ARHGAP12: variants seen among roughly 807,000 people sequenced by gnomAD.
ARHGAP12 encodes rho GTPase-activating protein 12.
ARHGAP12 carries 64 observed loss-of-function variants against 108.6 expected under a neutral mutation model. The observed-to-expected ratio is 0.59, with a 90% confidence interval of 0.48 to 0.73. ARHGAP12 has a LOEUF of 0.73. Among genes scored for constraint, ARHGAP12 ranks in the 30% least tolerant of loss-of-function variants. The pLI is 0.00. For missense variants in ARHGAP12, 940 were observed against 1,005.9 expected (o/e 0.93, Z 0.89); for synonymous variants, 312 against 337.2 (o/e 0.93, Z 0.82).
At chr10:31,816,003 T>C (rs1213241471) in intron 13 of ARHGAP12, among the ~76,000 whole-genome samples, 2 of 151,904 alleles carry the variant, frequency 1.3e-5, no homozygotes, top group Non-Finnish European at 2.9e-5. Flanking sequence ...TACAAAAACT[T>C]AGGCAGGTGT....
In ARHGAP12 at chr10:31,885,527, A is replaced by G. The variant is rs1592335472; in HGVS notation, c.684+22645T>C. Among the ~76,000 whole-genome samples, 3 of 152,296 alleles carry G rather than the reference A, an allele frequency of 2.0e-5. No homozygotes were observed. In the South Asian group the frequency reaches 6.2e-4, roughly 32 times the overall value. On this transcript the variant is annotated intron_variant, in intron 3 of 19. Coordinates refer to ENST00000344936, the MANE Select transcript of ARHGAP12 (RefSeq NM_018287.7). ...AATTCCACTGTTATGCTATATAAAAACAGACAAATGGCCAGGCATGGTGGC... is the reference window on the plus strand; with the variant it reads ...AATTCCACTGTTATGCTATATAAAAGCAGACAAATGGCCAGGCATGGTGGC...
chr10:31,847,713 TGC>T (rs1350983556), intron 6 of ARHGAP12, among the ~76,000 whole-genome samples: 1 of 152,138 alleles, frequency 6.6e-6, no homozygotes, highest in African/African-American at 2.4e-5. Context: ...GTTCCTTGCA[TGC>T]ACTGTGGGTC....
chr10:31,894,425 A>G (rs1195551940), intron 3 of ARHGAP12, among the ~76,000 whole-genome samples: 1 of 152,150 alleles, frequency 6.6e-6, no homozygotes, highest in Non-Finnish European at 1.5e-5. Flanking sequence ...TCAATGTGCA[A>G]AAATCACAAG....
chr10:31,923,894 T>C (rs1564439693), intron 1 of ARHGAP12, among the ~76,000 whole-genome samples: 1 of 152,164 alleles, frequency 6.6e-6, no homozygotes, highest in South Asian at 2.1e-4. Flanking sequence ...ATGTCAAAAC[T>C]CTTCAAATTG....
chr10:31,908,050 C>T, intron 3 of ARHGAP12, 122 bp downstream of exon 3: 1 of 906,130 alleles, frequency 1.1e-6, no homozygotes, highest in Non-Finnish European at 1.6e-6. Flanking sequence ...AGGATAGAAC[C>T]CATGTACTCT....
chr10:31,812,771 GT>G lies in ARHGAP12; in HGVS notation c.1886del (p.Asn629ThrfsTer2). 1 of 1,608,392 alleles carries G rather than the reference GT, an allele frequency of 6.2e-7. No individual in the cohort carries two copies. On this transcript the variant is annotated frameshift_variant, in exon 15 of 20. Transcript: ENST00000344936. LOFTEE classifies it high-confidence loss of function. Reference sequence around the variant, plus strand: ...GGCGTCGTGTAAGAAACTTCTTTAAGTTTTTCTTGGTTTTTTTCTGTTCTGA... The same window carrying G: ...GGCGTCGTGTAAGAAACTTCTTTAAGTTTTCTTGGTTTTTTTCTGTTCTGA... The part of the protein sequence containing the change: ...DSSEQKKTKK[N>X]LKKFLTRRPT...
chr10:31,885,704 AGCTAC>A (rs1838163267), intron 3 of ARHGAP12, among the ~76,000 whole-genome samples: 1 of 152,026 alleles, frequency 6.6e-6, no homozygotes, highest in African/African-American at 2.4e-5. Context: ...CTATAAGCCC[AGCTAC>A]TCAGGAGGCT....
At chr10:31,858,975 G>A (rs1837005138) in intron 4 of ARHGAP12, among the ~76,000 whole-genome samples, 1 of 146,734 alleles carries the variant, frequency 6.8e-6, no homozygotes, top group Admixed American at 6.8e-5. Flanking sequence ...GACGGTATCA[G>A]GTATCTGTGA....
rs527710491 is a variant in ARHGAP12 at position 31,899,968 on chromosome 10, C to T, written c.684+8204G>A. On this transcript the variant is annotated intron_variant, in intron 3 of 19. Transcript: ENST00000344936. ...AGACTGGAAGTATTTGTAAAACATA[C>T]ATCTGATTAAAGAATTTACATTCAA... Among the ~76,000 whole-genome samples, 6 of 152,246 alleles carry T rather than the reference C, an allele frequency of 3.9e-5. No homozygotes were observed. In the South Asian group the frequency reaches 1.2e-3, roughly 32 times the overall value.
intron 3 of ARHGAP12, among the ~76,000 whole-genome samples, chr10:31,890,708 C>T (rs1838391594): frequency 6.6e-6 from 1 of 152,148 alleles, no homozygotes; most frequent in African/African-American, 2.4e-5. Flanking sequence ...TATTCAAAGC[C>T]AGTTTACACT....
chr10:31,908,455 T>C lies in ARHGAP12; in HGVS notation c.401A>G (p.Gln134Arg). The C allele has an allele frequency of 1.2e-6, 2 of 1,614,250 alleles. No individual in the cohort carries two copies. The highest frequency in any genetic ancestry group is 1.7e-6 in the Non-Finnish European group (2 of 1,180,040). The stretch of plus-strand genomic sequence containing the variant: ...TTGATTATAACTGGGTCCAAAATTC[T>C]GATTGGCATCACGAATAAGACCTGT... ...QGTGLIRDAN[Q>R]NFGPSYNQGQ... is the part of the protein sequence containing the mutation. Residue 134 changes from glutamine (Q) to arginine (R), a missense_variant, in exon 3 of 20, where the codon CAG (glutamine) becomes CGG (arginine). Physicochemically the swap from Gln to Arg is conservative, Grantham distance 43. Transcript: ENST00000344936.
At chr10:31,925,101 T>C (rs1839976100) in intron 1 of ARHGAP12, among the ~76,000 whole-genome samples, 1 of 152,212 alleles carries the variant, frequency 6.6e-6, no homozygotes, top group African/African-American at 2.4e-5. Flanking sequence ...TAGTAGTACA[T>C]ACTGCATACT....
intron 1 of ARHGAP12, among the ~76,000 whole-genome samples, chr10:31,916,766 G>A (rs531007851): frequency 8.5e-4 from 130 of 152,070 alleles, no homozygotes; most frequent in African/African-American, 2.6e-3. Context: ...ACAGGTGCCC[G>A]CCACCACATC....
chr10:31,901,574 C>T (rs1180037115), intron 3 of ARHGAP12, among the ~76,000 whole-genome samples: 2 of 145,082 alleles, frequency 1.4e-5, no homozygotes, highest in African/African-American at 5.1e-5. Flanking sequence ...AAACTACCTT[C>T]TTAAACCAGG....
chr10:31,820,017 G>A (rs1835348335), intron 12 of ARHGAP12, among the ~76,000 whole-genome samples: 1 of 150,950 alleles, frequency 6.6e-6, no homozygotes, highest in South Asian at 2.1e-4. Context: ...TTGAGAAGAA[G>A]ATATAGAGAT....
chr10:31,861,342 T>C (rs1395171856), intron 4 of ARHGAP12, 53 bp downstream of exon 4: 24 of 1,540,492 alleles, frequency 1.6e-5, no homozygotes, highest in Non-Finnish European at 2.0e-5. Flanking sequence ...GGTTTCTGAA[T>C]AATGAAAAGA....
intron 1 of ARHGAP12, among the ~76,000 whole-genome samples, chr10:31,926,322 G>A (rs1020393154): frequency 2.8e-5 from 4 of 145,138 alleles, no homozygotes; most frequent in Non-Finnish European, 4.6e-5. Flanking sequence ...ATGAGCCGGG[G>A]CCAGCTAACT....
chr10:31,851,098 G>A (rs1450145953), intron 6 of ARHGAP12, among the ~76,000 whole-genome samples: 2 of 151,908 alleles, frequency 1.3e-5, no homozygotes, highest in Non-Finnish European at 2.9e-5. Flanking sequence ...TTTTATACGG[G>A]AGCTCTTATA....
intron 5 of ARHGAP12, among the ~76,000 whole-genome samples, chr10:31,852,864 T>C (rs1173009205): frequency 6.6e-6 from 1 of 151,450 alleles, no homozygotes; most frequent in Non-Finnish European, 1.5e-5. Context: ...GTAGCTGGGA[T>C]TACAGGCATG....
Sources: allele counts gnomAD v4.1 joint callset (sites outside exome capture counted in the v4.1 genomes callset), GRCh38; gene constraint gnomAD v4.1.1; transcripts MANE v1.5; gene names NCBI Gene and HGNC (gene_info 2026-07-23, HGNC 2026-07-21).